The following PKIB variants were observed in gnomAD, a reference collection of about 807,000 sequenced individuals.
PKIB encodes the protein cAMP-dependent protein kinase inhibitor beta.
In PKIB, 2 loss-of-function variants were observed where a neutral mutation model predicts 4.5. The observed-to-expected ratio is 0.44, with a 90% CI of 0.18 to 1.39. The LOEUF (loss-of-function observed/expected upper bound fraction) is 1.39. Ranked by LOEUF, PKIB falls within the 40% of genes most tolerant of loss-of-function variation. PKIB has a pLI of 0.27. For synonymous variants in PKIB, 38 were observed against 36.0 expected (o/e 1.06, Z -0.20); for missense variants, 94 against 92.6 (o/e 1.02, Z -0.06).
chr6:122,515,241 C>T (rs1011809953), intron 2 of PKIB, among the ~76,000 whole-genome samples: 1 of 152,060 alleles, frequency 6.6e-6, no homozygotes, highest in African/African-American at 2.4e-5. Flanking sequence ...TATAAATAAA[C>T]AATAAAATAC....
intron 4 of PKIB, among the ~76,000 whole-genome samples, chr6:122,723,826 C>A (rs1206351793): frequency 6.6e-6 from 1 of 152,178 alleles, no homozygotes; most frequent in Non-Finnish European, 1.5e-5. Flanking sequence ...TTGAAAATTT[C>A]TATTTTCCAC....
Position 122,680,309 on chromosome 6 carries a change from A to G in PKIB, c.-9+5165A>G, listed in dbSNP as rs936612756. On this transcript the variant is annotated intron_variant, in intron 3 of 4. Coordinates refer to ENST00000368452, the MANE Select transcript of PKIB (RefSeq NM_181795.3). ...GACAAAATTGATATTATCTCATGCT[A>G]ATAGTCTGACTGGGGAAACCCAGCA... is the stretch of plus-strand genomic sequence containing the variant. Among the ~76,000 whole-genome samples the G allele has an allele frequency of 2.4e-4, 37 of 152,236 alleles. 1 individual carries two copies. Among genetic ancestry groups the G allele is most frequent in the African/African-American group, 8.9e-4 (37 of 41,464 alleles).
chr6:122,656,783 G>A (rs1776792190), intron 2 of PKIB, among the ~76,000 whole-genome samples: 1 of 152,146 alleles, frequency 6.6e-6, no homozygotes, highest in Non-Finnish European at 1.5e-5. Flanking sequence ...GCCAGTAAAG[G>A]CAAGACCACC....
chr6:122,526,878 T>C (rs1398411564), intron 2 of PKIB, among the ~76,000 whole-genome samples: 1 of 152,180 alleles, frequency 6.6e-6, no homozygotes, highest in Non-Finnish European at 1.5e-5. Context: ...TCTCCTTAGC[T>C]CTGAAAGTGG....
At chr6:122,574,167 A>T (rs1773460672) in intron 2 of PKIB, among the ~76,000 whole-genome samples, 1 of 152,152 alleles carries the variant, frequency 6.6e-6, no homozygotes, top group South Asian at 2.1e-4. Context: ...TCCCTTTTGC[A>T]ACAGCTGCAA....
chr6:122,701,967 A>G (rs1057109636), intron 3 of PKIB, among the ~76,000 whole-genome samples: 1 of 152,192 alleles, frequency 6.6e-6, no homozygotes, highest in Non-Finnish European at 1.5e-5. Flanking sequence ...AAGAGTTACT[A>G]TTAGTTACAT....
chr6:122,637,904 A>G (rs998235073), intron 2 of PKIB, among the ~76,000 whole-genome samples: 1 of 152,124 alleles, frequency 6.6e-6, no homozygotes, highest in Non-Finnish European at 1.5e-5. Context: ...GAGGATTTCA[A>G]CAAGACAGTT....
intron 2 of PKIB, among the ~76,000 whole-genome samples, chr6:122,673,684 C>T (rs761816264): frequency 2.6e-5 from 4 of 152,172 alleles, no homozygotes; most frequent in Non-Finnish European, 5.9e-5. Context: ...TGAAAAACAC[C>T]TAATGCACCT....
chr6:122,497,102 C>T (rs992300633), intron 2 of PKIB, among the ~76,000 whole-genome samples: 1 of 152,108 alleles, frequency 6.6e-6, no homozygotes, highest in African/African-American at 2.4e-5. Flanking sequence ...AAATTCCAAT[C>T]AAGAATTTTA....
chr6:122,605,854 A>G (rs1562267131), upstream of PKIB, among the ~76,000 whole-genome samples: 1 of 152,178 alleles, frequency 6.6e-6, no homozygotes, highest in Non-Finnish European at 1.5e-5. Flanking sequence ...TCACAGTTTG[A>G]AAGCTTTAGA....
At chr6:122,562,945 C>T (rs1939509138) in intron 2 of PKIB, among the ~76,000 whole-genome samples, 2 of 152,064 alleles carry the variant, frequency 1.3e-5, no homozygotes, top group South Asian at 4.1e-4. Context: ...TAACTAACCT[C>T]CTGGATTCTT....
At chr6:122,663,470 C>T (rs1777093182) in intron 2 of PKIB, among the ~76,000 whole-genome samples, 1 of 152,116 alleles carries the variant, frequency 6.6e-6, no homozygotes, top group Admixed American at 6.6e-5. Flanking sequence ...AACTGGGCGG[C>T]TTAAAACAAA....
intron 3 of PKIB, among the ~76,000 whole-genome samples, chr6:122,698,690 C>T (rs1285410049): frequency 5.9e-5 from 9 of 152,160 alleles, no homozygotes; most frequent in African/African-American, 2.2e-4. Context: ...TTTTGGACAG[C>T]TTCTACAGCC....
chr6:122,689,023 C>T (rs558573407), intron 3 of PKIB, among the ~76,000 whole-genome samples: 34 of 152,038 alleles, frequency 2.2e-4, no homozygotes, highest in African/African-American at 5.8e-4. Flanking sequence ...CCTCGTGACC[C>T]GCCCACCTCG....
chr6:122,675,279 C>T (rs1188618858), intron 3 of PKIB, 135 bp downstream of exon 3: 1 of 152,376 alleles, frequency 6.6e-6, no homozygotes, highest in Non-Finnish European at 1.5e-5. Flanking sequence ...GAGAGTAATA[C>T]ATATGCAAAA....
At chr6:122,675,178 A>G (rs757774409) in intron 3 of PKIB, 34 bp downstream of exon 3, 3 of 152,608 alleles carry the variant, frequency 2.0e-5, no homozygotes, top group Non-Finnish European at 2.9e-5. Context: ...TTAGGAAATT[A>G]TATGTTGATT....
intron 4 of PKIB, among the ~76,000 whole-genome samples, chr6:122,719,684 A>G (rs1779644068): frequency 6.6e-6 from 1 of 151,238 alleles, no homozygotes. Flanking sequence ...AAGATTGCCA[A>G]GTGAGTAGAT....
At chr6:122,634,311 A>C (rs1775825451) in intron 2 of PKIB, among the ~76,000 whole-genome samples, 1 of 152,160 alleles carries the variant, frequency 6.6e-6, no homozygotes, top group Non-Finnish European at 1.5e-5. Context: ...TACCTATGCA[A>C]CAAACCTGCA....
chr6:122,714,722 G>T (rs1157034094), intron 3 of PKIB, among the ~76,000 whole-genome samples: 2 of 152,186 alleles, frequency 1.3e-5, no homozygotes, highest in East Asian at 3.9e-4. Context: ...GATAACTATT[G>T]GGTATTGGGC....
Sources: allele counts gnomAD v4.1 joint callset (sites outside exome capture counted in the v4.1 genomes callset), GRCh38; gene constraint gnomAD v4.1.1; transcripts MANE v1.5; gene names NCBI Gene and HGNC (gene_info 2026-07-23, HGNC 2026-07-21).